SOD2: variants seen among roughly 807,000 people sequenced by gnomAD.
The protein encoded by SOD2 is superoxide dismutase [Mn], mitochondrial.
SOD2 carries 11 observed loss-of-function variants against 27.0 expected under a neutral mutation model. That is an observed-to-expected ratio of 0.41 (90% CI 0.26 to 0.67). SOD2 has a LOEUF of 0.67. SOD2 is among the 30% of genes least tolerant of loss of function. The pLI is 0.34. For synonymous variants in SOD2, 105 were observed against 103.0 expected, an observed-to-expected ratio of 1.02 and a Z score of -0.12; for missense variants, 250 against 274.5, an observed-to-expected ratio of 0.91 and a Z score of 0.63.
At chr6:159,700,099 G>T (rs1383127182) in intron 1 of SOD2, among the ~76,000 whole-genome samples, 2 of 152,140 alleles carry the variant, frequency 1.3e-5, no homozygotes, top group African/African-American at 4.8e-5. Flanking sequence ...TTAGTTTGAG[G>T]AACTAGTCAG....
At chr6:159,710,755 ATACTGCTCTGACCTC>A (rs1562436374) in intron 1 of SOD2, among the ~76,000 whole-genome samples, 6 of 144,660 alleles carry the variant, frequency 4.1e-5, no homozygotes, top group South Asian at 2.3e-4. Flanking sequence ...ACCACCACTC[ATACTGCTCTGACCTC>A]CATAACCACC....
At chr6:159,748,133 A>AC (rs1409358256), upstream of SOD2, 2 of 1,539,288 alleles carry the variant, frequency 1.3e-6, no homozygotes, top group Non-Finnish European at 1.8e-6. The surrounding 1 kb of genome is among the most constrained non-coding windows in gnomAD (Gnocchi z 5.6). Context: ...AGTTTTCCCC[A>AC]CCTTCTTATG....
intron 1 of SOD2, chr6:159,755,330 C>G (rs1292354787): frequency 1.1e-5 from 17 of 1,614,132 alleles, no homozygotes; most frequent in Non-Finnish European, 1.4e-5. Flanking sequence ...AGATGACTTT[C>G]CTTCTTCTCC....
rs1227893223 is a variant in SOD2 at position 159,672,361 on chromosome 6, A to G, written c.*10132T>C. 6 of 152,236 alleles carry G rather than the reference A, an allele frequency of 3.9e-5. No homozygotes were observed. Among genetic ancestry groups the G allele is most frequent in the African/African-American group, 1.4e-4 (6 of 41,460 alleles). The allele number at this position is 152,236 out of a possible 1,614,324, so 9.4% of individuals were successfully genotyped here. A position where few individuals can be genotyped will look rare whatever the true frequency, so the allele number is the denominator to read the frequency against. On this transcript the variant is annotated 3_prime_UTR_variant, in exon 5 of 5. Coordinates refer to ENST00000538183, the MANE Select transcript of SOD2 (RefSeq NM_000636.4). Reference sequence around the variant, plus strand: ...CAGAGAGAAAGGTCGGGTTACCCACAAAGGGAAGCCCATCAGACTAACAGC... The same window carrying G: ...CAGAGAGAAAGGTCGGGTTACCCACGAAGGGAAGCCCATCAGACTAACAGC...
upstream of SOD2, chr6:159,748,073 A>G: frequency 7.9e-7 from 1 of 1,269,656 alleles, no homozygotes. This position sits in a 1 kb window ranked among gnomAD's most constrained non-coding sequence, Gnocchi z 5.6. Context: ...TTCAGGATCA[A>G]AGAGGGGAGG....
At chr6:159,731,811 A>G (rs995638420), upstream of SOD2, among the ~76,000 whole-genome samples, 14 of 152,224 alleles carry the variant, frequency 9.2e-5, no homozygotes, top group Admixed American at 5.9e-4. Flanking sequence ...TTGTATTTGC[A>G]AAGTTGACAA....
In SOD2 at chr6:159,672,454, A is replaced by C. The variant is rs546050128; in HGVS notation, c.*10039T>G. 4.3e-4 allele frequency: 66 copies of C among 152,338 alleles called. No homozygotes were observed. Among genetic ancestry groups the C allele is most frequent in the Middle Eastern group, 6.8e-3 (2 of 294 alleles). 9.4% of individuals were successfully genotyped at this position (152,338 alleles called of 1,614,324 possible). A position where few individuals can be genotyped will look rare whatever the true frequency, so the allele number is the denominator to read the frequency against. On this transcript the variant is annotated 3_prime_UTR_variant, in exon 5 of 5. Coordinates refer to ENST00000538183, the MANE Select transcript of SOD2 (RefSeq NM_000636.4). ...GTCAATATTCAACGTTCTTGAAGAAAAGAATTTTCAACCCAGAATTTCATA... is the reference window on the plus strand; with the variant it reads ...GTCAATATTCAACGTTCTTGAAGAACAGAATTTTCAACCCAGAATTTCATA...
intron 1 of SOD2, among the ~76,000 whole-genome samples, chr6:159,756,614 T>TTTTTTA (rs1780016656): frequency 6.7e-6 from 1 of 148,528 alleles, no homozygotes. Flanking sequence ...TTTTTTTTTT[T>TTTTTTA]TAATTGAGAC....
chr6:159,692,920 C>A, intron 1 of SOD2, 57 bp from the exon 2 acceptor site: 1 of 1,459,202 alleles, frequency 6.9e-7, no homozygotes, highest in Non-Finnish European at 9.1e-7. Context: ...TCTACGCAGG[C>A]TGGGCTGCCG....
chr6:159,727,556 C>T (rs867150630), upstream of SOD2: 22 of 988,884 alleles, frequency 2.2e-5, no homozygotes, highest in South Asian at 1.3e-4. Flanking sequence ...AAGGGGAGCG[C>T]AGGGGTTGCG....
chr6:159,705,370 T>A (rs1777603727), intron 1 of SOD2, among the ~76,000 whole-genome samples: 1 of 152,000 alleles, frequency 6.6e-6, no homozygotes, highest in African/African-American at 2.4e-5. Context: ...TTAAAAACCA[T>A]GAAAAAAGAT....
At chr6:159,712,213 CACCTCCATAACCACCACTCACATT>C (rs1777809895) in intron 1 of SOD2, among the ~76,000 whole-genome samples, 1 of 125,950 alleles carries the variant, frequency 7.9e-6, no homozygotes, top group African/African-American at 2.8e-5. Context: ...TCACCATAAC[CACCTCCATAACCACCACTCACATT>C]GCTCTGATCA....
chr6:159,728,398 A>G (rs1376619592), upstream of SOD2, among the ~76,000 whole-genome samples: 1 of 151,200 alleles, frequency 6.6e-6, no homozygotes, highest in Non-Finnish European at 1.5e-5. Context: ...GGACTAGCAT[A>G]ACTGTGATTA....
At chr6:159,717,998 CTT>C (rs553023066) in intron 1 of SOD2, among the ~76,000 whole-genome samples, 93 of 151,128 alleles carry the variant, frequency 6.2e-4, no homozygotes, top group South Asian at 1.5e-3. Flanking sequence ...CTCCTTTTCT[CTT>C]TCTTTCTGGG....
At chr6:159,747,175 G>A (rs115323699), upstream of SOD2, among the ~76,000 whole-genome samples, 1,075 of 152,252 alleles carry the variant, frequency 7.1e-3, 14 homozygotes, top group African/African-American at 0.024. Context: ...TCTACTTTGA[G>A]TATGAAGAAA....
At chr6:159,761,742 T>G in exon 1 of SOD2, 5 of 349,064 alleles carry the variant, frequency 1.4e-5, no homozygotes, top group Non-Finnish European at 1.1e-5. Context: ...AACTCCAACA[T>G]TGGGGTGTCC....
intron 1 of SOD2, among the ~76,000 whole-genome samples, chr6:159,754,220 G>T (rs1779922773): frequency 6.6e-6 from 1 of 152,184 alleles, no homozygotes; most frequent in African/African-American, 2.4e-5. Context: ...TTGCAAAGAT[G>T]ATCAGTAGCC....
At chr6:159,754,289 C>G (rs1281963307) in intron 1 of SOD2, among the ~76,000 whole-genome samples, 2 of 152,174 alleles carry the variant, frequency 1.3e-5, no homozygotes, top group Non-Finnish European at 2.9e-5. Context: ...TTTCCTGTGA[C>G]TTTTGTCCTT....
At position 159,673,844 on chromosome 6, in the gene SOD2, C is replaced by A. The variant is rs1236547395; in HGVS notation, c.*8649G>T. 6.6e-6 allele frequency: 1 copy of A among 152,106 alleles called. No individual in the cohort carries two copies. The highest frequency in any genetic ancestry group is 2.4e-5 in the African/African-American group (1 of 41,398). 9.4% of individuals were successfully genotyped at this position (152,106 alleles called of 1,614,324 possible). The stretch of plus-strand genomic sequence containing the variant: ...TGAAAAGATAAACACAATTGATAGA[C>A]CGCTAGCAAGACTAATAAACAAGAA... On this transcript the variant is annotated 3_prime_UTR_variant, in exon 5 of 5. Coordinates refer to ENST00000538183, the MANE Select transcript of SOD2 (RefSeq NM_000636.4).
Sources: allele counts gnomAD v4.1 joint callset (sites outside exome capture counted in the v4.1 genomes callset), GRCh38; gene constraint gnomAD v4.1.1; non-coding constraint Gnocchi (gnomAD v3.1); transcripts MANE v1.5; gene names NCBI Gene and HGNC (gene_info 2026-07-23, HGNC 2026-07-21).